The following ZBTB7C variants were observed in gnomAD, a reference collection of about 807,000 sequenced individuals.
ZBTB7C encodes zinc finger and BTB domain-containing protein 7C.
Under a neutral mutation model 25.7 loss-of-function variants are expected in ZBTB7C, and 8 were observed. The observed-to-expected ratio is 0.31, with a 90% confidence interval of 0.18 to 0.56. The LOEUF is 0.56. ZBTB7C is among the 20% of genes least tolerant of loss of function. The pLI is 0.91. For missense variants in ZBTB7C, 824 were observed against 855.2 expected (o/e 0.96, Z 0.46); for synonymous variants, 394 against 369.0 (o/e 1.07, Z -0.78).
intron 3 of ZBTB7C, among the ~76,000 whole-genome samples, chr18:48,090,460 A>G (rs1469307374): frequency 1.3e-5 from 2 of 152,260 alleles, no homozygotes; most frequent in Non-Finnish European, 2.9e-5. Flanking sequence ...TGCAGGCCTT[A>G]TAGACAAGCA....
At chr18:48,139,356 G>A (rs1260603990) in intron 3 of ZBTB7C, among the ~76,000 whole-genome samples, 14 of 152,140 alleles carry the variant, frequency 9.2e-5, no homozygotes, top group Non-Finnish European at 1.5e-5. Flanking sequence ...AGGAAGGATG[G>A]GAGCACCTTT....
intron 2 of ZBTB7C, among the ~76,000 whole-genome samples, chr18:48,272,186 G>A (rs942383278): frequency 6.6e-6 from 1 of 152,192 alleles, no homozygotes; most frequent in African/African-American, 2.4e-5. Flanking sequence ...ATTTGAATCA[G>A]TAGACTGAGT....
chr18:48,089,463 C>A (rs1354130434), intron 3 of ZBTB7C, among the ~76,000 whole-genome samples: 1 of 140,244 alleles, frequency 7.1e-6, no homozygotes, highest in Non-Finnish European at 1.5e-5. Flanking sequence ...CAGAGCGAGA[C>A]TCAAGACTCC....
intron 2 of ZBTB7C, among the ~76,000 whole-genome samples, chr18:48,317,244 T>A (rs1402847867): frequency 1.8e-5 from 2 of 112,816 alleles, no homozygotes; most frequent in Non-Finnish European, 3.3e-5. Flanking sequence ...GCGACAAGAG[T>A]GAAACTCCGT....
intron 2 of ZBTB7C, among the ~76,000 whole-genome samples, chr18:48,211,037 A>G (rs1898122878): frequency 6.6e-6 from 1 of 152,202 alleles, no homozygotes; most frequent in Non-Finnish European, 1.5e-5. Flanking sequence ...ATAAACCCAC[A>G]TAAATATAGT....
chr18:48,088,537 A>C (rs980770362), intron 3 of ZBTB7C, among the ~76,000 whole-genome samples: 1 of 152,212 alleles, frequency 6.6e-6, no homozygotes, highest in African/African-American at 2.4e-5. Flanking sequence ...ACATTAACAG[A>C]AGGAAACTGG....
chr18:48,352,766 G>C lies in ZBTB7C; in HGVS notation c.-303-14368C>G, dbSNP rs57461801. On this transcript the variant is annotated intron_variant, in intron 1 of 4. Coordinates refer to ENST00000590800, the MANE Select transcript of ZBTB7C (RefSeq NM_001318841.2). ...ACTGGGCTAAGTTCAGGACAGAAGA[G>C]ATGTGCAAGCAGGTGAGCAAATGAT... 7.1e-3 allele frequency among the ~76,000 whole-genome samples: 1,077 copies of C among 152,222 alleles called. 14 individuals are homozygous for C. Among genetic ancestry groups the C allele is most frequent in the African/African-American group, 0.025 (1,025 of 41,528 alleles).
chr18:48,311,527 C>T (rs1013239534), intron 2 of ZBTB7C, among the ~76,000 whole-genome samples: 24 of 147,638 alleles, frequency 1.6e-4, no homozygotes, highest in East Asian at 4.2e-4. Context: ...ATGGGTAAGA[C>T]GCCAGGGATG....
In ZBTB7C at chr18:48,249,144, G is replaced by C. The variant is rs145302795; in HGVS notation, c.-78-63149C>G. Among the ~76,000 whole-genome samples the C allele has an allele frequency of 2.4e-4, 37 of 152,302 alleles. No individual in the cohort carries two copies. The East Asian group carries it at 6.4e-3, about 26-fold the overall frequency. The stretch of plus-strand genomic sequence containing the variant: ...TGCTATTGAAGTGGAGAAAAAGCTA[G>C]TAGATTCATTCCAGAGTGATGGCAC... On this transcript the variant is annotated intron_variant, in intron 2 of 4. Transcript: ENST00000590800.
intron 2 of ZBTB7C, among the ~76,000 whole-genome samples, chr18:48,282,119 T>C (rs375872291): frequency 0.051 from 7,619 of 150,690 alleles, 247 homozygotes; most frequent in Non-Finnish European, 0.072. Flanking sequence ...CACCATGGAA[T>C]ACTATGCAGC....
intron 2 of ZBTB7C, among the ~76,000 whole-genome samples, chr18:48,281,123 G>A (rs2044834463): frequency 6.6e-6 from 1 of 151,898 alleles, no homozygotes; most frequent in East Asian, 1.9e-4. Context: ...CAAAGTGCTG[G>A]GATTACAGGC....
chr18:48,355,172 C>G (rs1280169380), intron 1 of ZBTB7C, among the ~76,000 whole-genome samples: 1 of 152,102 alleles, frequency 6.6e-6, no homozygotes, highest in Non-Finnish European at 1.5e-5. Flanking sequence ...ATAACATGAG[C>G]CTCTTGGAGA....
chr18:48,386,497 T>G (rs568647583), intron 1 of ZBTB7C, among the ~76,000 whole-genome samples: 1 of 152,286 alleles, frequency 6.6e-6, no homozygotes, highest in African/African-American at 2.4e-5. Flanking sequence ...CCATCTAAGC[T>G]GAAGAGACTG....
At chr18:48,131,970 A>G (rs945524385) in intron 3 of ZBTB7C, among the ~76,000 whole-genome samples, 6 of 152,228 alleles carry the variant, frequency 3.9e-5, no homozygotes, top group African/African-American at 1.4e-4. Context: ...ACTGTAAAAA[A>G]ACATTCTGGT....
At chr18:48,230,302 G>T (rs1374159622) in intron 2 of ZBTB7C, among the ~76,000 whole-genome samples, 1 of 152,214 alleles carries the variant, frequency 6.6e-6, no homozygotes, top group Non-Finnish European at 1.5e-5. Context: ...GTGTTTGCAG[G>T]ATGTCTGCCC....
At chr18:48,410,496 A>G (rs1353026964), upstream of ZBTB7C, among the ~76,000 whole-genome samples, 2 of 152,110 alleles carry the variant, frequency 1.3e-5, no homozygotes, top group South Asian at 2.1e-4. Context: ...CTGTCGGGGC[A>G]GGAGAATCTC....
chr18:48,040,358 T>G lies in ZBTB7C; in HGVS notation c.750A>C (p.Pro250=). ...NIPDRRPSLS[P]FAPDFFPHLW... Reference sequence around the variant, plus strand: ...GGTGTGGAAAGAAGTCCGGGGCGAATGGAGACAAGGAGGGTCTCCTGTCGG... The same window carrying G: ...GGTGTGGAAAGAAGTCCGGGGCGAAGGGAGACAAGGAGGGTCTCCTGTCGG... Residue 250 remains proline (P), a synonymous_variant, in exon 4 of 5, where the codon CCA becomes CCC. Coordinates refer to ENST00000590800, the MANE Select transcript of ZBTB7C (RefSeq NM_001318841.2). 6.2e-7 allele frequency: 1 copy of G among 1,610,258 alleles called. No homozygotes were observed. Among genetic ancestry groups the G allele is most frequent in the Non-Finnish European group, 8.5e-7 (1 of 1,178,118 alleles).
chr18:48,089,449 G>A (rs2038324509), intron 3 of ZBTB7C, among the ~76,000 whole-genome samples: 1 of 150,902 alleles, frequency 6.6e-6, no homozygotes, highest in Non-Finnish European at 1.5e-5. Flanking sequence ...TACAGCCTGG[G>A]TGACAGAGCG....
At chr18:48,032,051 G>A (rs2035773161) in intron 4 of ZBTB7C, among the ~76,000 whole-genome samples, 1 of 152,220 alleles carries the variant, frequency 6.6e-6, no homozygotes, top group Non-Finnish European at 1.5e-5. Context: ...AATCAGCTAA[G>A]CAGGGCTTTA....
Sources: gnomAD v4.1 joint callset for allele counts (sites outside exome capture counted in the v4.1 genomes callset) on GRCh38, gnomAD v4.1.1 for gene constraint, MANE v1.5 for transcripts, NCBI Gene and HGNC (gene_info 2026-07-23, HGNC 2026-07-21) for gene names.